Variants in FOXJ3 observed in about 807,000 individuals in gnomAD.
FOXJ3 encodes forkhead box J3.
FOXJ3 carries 22 observed loss-of-function variants against 76.1 expected under a neutral mutation model. The ratio of observed to expected loss-of-function variants is 0.29; its 90% CI spans 0.21 to 0.41. FOXJ3 has a LOEUF of 0.41. Ranked by LOEUF, FOXJ3 falls within the 10% of genes least tolerant of loss-of-function variation. The pLI is 1.00. For missense variants in FOXJ3, 613 were observed against 762.1 expected, an observed-to-expected ratio of 0.80 and a Z score of 2.30; for synonymous variants, 269 against 261.2, an observed-to-expected ratio of 1.03 and a Z score of -0.29.
At chr1:42,309,490 T>C (rs1557715713) in intron 2 of FOXJ3, among the ~76,000 whole-genome samples, 1 of 152,228 alleles carries the variant, frequency 6.6e-6, no homozygotes, top group Non-Finnish European at 1.5e-5. Flanking sequence ...TTATTTCCTA[T>C]TCCCCTTCTC....
At chr1:42,202,929 C>T (rs1394094475) in intron 6 of FOXJ3, among the ~76,000 whole-genome samples, 1 of 152,192 alleles carries the variant, frequency 6.6e-6, no homozygotes, top group Non-Finnish European at 1.5e-5. Flanking sequence ...AATCTATTAC[C>T]ACGATCTTCT....
At chr1:42,239,191 T>C (rs1648936550) in intron 4 of FOXJ3, among the ~76,000 whole-genome samples, 1 of 152,218 alleles carries the variant, frequency 6.6e-6, no homozygotes, top group African/African-American at 2.4e-5. Flanking sequence ...GGATCTAATG[T>C]TTGCAAATAA....
intron 3 of FOXJ3, among the ~76,000 whole-genome samples, chr1:42,272,238 T>C (rs1371229473): frequency 1.3e-5 from 2 of 152,306 alleles, no homozygotes; most frequent in African/African-American, 4.8e-5. Flanking sequence ...AAGCTCTAAG[T>C]GACCTCCCAT....
chr1:42,249,853 G>C (rs1382742903), intron 4 of FOXJ3, among the ~76,000 whole-genome samples: 1 of 152,112 alleles, frequency 6.6e-6, no homozygotes, highest in Non-Finnish European at 1.5e-5. Context: ...AAAAAGAAGA[G>C]AGCAATTAAT....
At chr1:42,263,930 CTTTTTTTTTTTTTTTT>C (rs61375062) in intron 4 of FOXJ3, among the ~76,000 whole-genome samples, 2 of 71,400 alleles carry the variant, frequency 2.8e-5, no homozygotes, top group South Asian at 6.5e-4. Context: ...AGTAGGTTAA[CTTTTTTTTTTTTTTTT>C]TTTTTTTTTT....
intron 2 of FOXJ3, among the ~76,000 whole-genome samples, chr1:42,281,675 T>C (rs1441135707): frequency 6.6e-6 from 1 of 152,214 alleles, no homozygotes; most frequent in Non-Finnish European, 1.5e-5. Flanking sequence ...CTGTTGATAC[T>C]TAGGCTGGTG....
chr1:42,239,547 G>A (rs1016186703), intron 4 of FOXJ3, among the ~76,000 whole-genome samples: 3 of 151,988 alleles, frequency 2.0e-5, no homozygotes, highest in African/African-American at 7.3e-5. Context: ...GTACCAAAAT[G>A]GACAACATCT....
intron 2 of FOXJ3, among the ~76,000 whole-genome samples, chr1:42,310,736 C>T (rs1263338429): frequency 6.6e-6 from 1 of 152,142 alleles, no homozygotes; most frequent in African/African-American, 2.4e-5. Flanking sequence ...AGATGTGAGC[C>T]ACCGCGCCCA....
intron 1 of FOXJ3, among the ~76,000 whole-genome samples, chr1:42,314,862 C>G (rs1330856121): frequency 1.3e-5 from 2 of 152,126 alleles, no homozygotes; most frequent in African/African-American, 2.4e-5. Context: ...CACAAATGAT[C>G]ATTTGCACAC....
At chr1:42,286,759 G>A (rs1196006468) in intron 2 of FOXJ3, among the ~76,000 whole-genome samples, 1 of 151,820 alleles carries the variant, frequency 6.6e-6, no homozygotes, top group Non-Finnish European at 1.5e-5. Flanking sequence ...TCAGCCTCCC[G>A]AGTAGCTGGG....
chr1:42,313,594 A>G (rs917256976), intron 1 of FOXJ3, among the ~76,000 whole-genome samples: 2 of 152,210 alleles, frequency 1.3e-5, no homozygotes, highest in Non-Finnish European at 2.9e-5. Flanking sequence ...ATAAACCACA[A>G]GGAATGCAGA....
chr1:42,213,415 C>G (rs1050141347), intron 5 of FOXJ3, among the ~76,000 whole-genome samples: 2 of 148,582 alleles, frequency 1.3e-5, no homozygotes, highest in Non-Finnish European at 3.0e-5. Context: ...AAGCCAAAAG[C>G]AAGCAGGAGT....
upstream of FOXJ3, chr1:42,335,736 C>A (rs1189105729): frequency 6.6e-6 from 1 of 152,244 alleles, no homozygotes; most frequent in Non-Finnish European, 1.5e-5. Context: ...CTTCAGGACA[C>A]CCCTCTTTTC....
intron 4 of FOXJ3, among the ~76,000 whole-genome samples, chr1:42,261,553 A>G (rs1220627147): frequency 6.6e-6 from 1 of 152,206 alleles, no homozygotes; most frequent in Non-Finnish European, 1.5e-5. Flanking sequence ...GGATTAAGTA[A>G]GGAATAGATA....
intron 5 of FOXJ3, among the ~76,000 whole-genome samples, chr1:42,213,869 G>A (rs1030619972): frequency 6.6e-6 from 1 of 152,148 alleles, no homozygotes; most frequent in African/African-American, 2.4e-5. Context: ...ACATCCCAAT[G>A]ACTACAGTTA....
intron 5 of FOXJ3, among the ~76,000 whole-genome samples, chr1:42,216,880 A>T (rs1249477740): frequency 2.6e-5 from 4 of 152,226 alleles, no homozygotes; most frequent in African/African-American, 4.8e-5. Flanking sequence ...ATGAAACTAA[A>T]AACAGAGGTC....
intron 8 of FOXJ3, 30 bp downstream of exon 8, chr1:42,194,860 T>C (rs756303356): frequency 2.7e-6 from 4 of 1,459,456 alleles, no homozygotes; most frequent in East Asian, 2.3e-5. Context: ...AATAAAACTT[T>C]GTTATAAAAA....
chr1:42,279,414 A>G (rs1652530847), intron 2 of FOXJ3, among the ~76,000 whole-genome samples: 3 of 152,214 alleles, frequency 2.0e-5, no homozygotes, highest in African/African-American at 7.2e-5. Context: ...TTGTGGGAGT[A>G]CAGAATCTAA....
At chr1:42,284,031 G>C (rs1269434190) in intron 2 of FOXJ3, among the ~76,000 whole-genome samples, 1 of 152,080 alleles carries the variant, frequency 6.6e-6, no homozygotes, top group East Asian at 1.9e-4. Context: ...AAAAAGTCTG[G>C]GTCCCTGATT....
Sources: allele counts gnomAD v4.1 joint callset (sites outside exome capture counted in the v4.1 genomes callset), GRCh38; gene constraint gnomAD v4.1.1; transcripts MANE v1.5; gene names NCBI Gene and HGNC (gene_info 2026-07-23, HGNC 2026-07-21).